Variants in KLKB1 observed in about 807,000 individuals in gnomAD.
KLKB1 encodes plasma kallikrein.
A neutral mutation model predicts 73.6 loss-of-function variants in KLKB1; 58 were observed. The ratio of observed to expected loss-of-function variants is 0.79; its 90% CI spans 0.64 to 0.98. The LOEUF is 0.98. Among genes scored for constraint, KLKB1 ranks in the 50% least tolerant of loss-of-function variants. The pLI, the probability that KLKB1 is intolerant of heterozygous loss-of-function variation, is 0.00. For synonymous variants in KLKB1, 280 were observed against 258.1 expected, an observed-to-expected ratio of 1.08 and a Z score of -0.81; for missense variants, 737 against 763.8, an observed-to-expected ratio of 0.96 and a Z score of 0.41.
Position 186,258,247 on chromosome 4 carries a change from T to C in KLKB1, c.*35T>C. 1.3e-6 allele frequency: 2 copies of C among 1,579,090 alleles called. No homozygotes were observed. Among genetic ancestry groups the C allele is most frequent in the Non-Finnish European group, 1.7e-6 (2 of 1,153,594 alleles). ...CAGAGTCTAGGCAATTTTTACAACC[T>C]GAGTTCAAGTCAAATTCTGAGCCTG... is the stretch of plus-strand genomic sequence containing the variant. On this transcript the variant is annotated 3_prime_UTR_variant, in exon 15 of 15. Coordinates refer to ENST00000264690, the MANE Select transcript of KLKB1 (RefSeq NM_000892.5).
chr4:186,237,509 C>T (rs1471114011), intron 5 of KLKB1, among the ~76,000 whole-genome samples: 2 of 152,176 alleles, frequency 1.3e-5, no homozygotes. Context: ...CCCTACTTCT[C>T]CAAAGCTGAT....
rs1410482200 is a variant in KLKB1, at chr4:186,258,273, G to A, written c.*61G>A. On this transcript the variant is annotated 3_prime_UTR_variant, in exon 15 of 15. Coordinates refer to ENST00000264690, the MANE Select transcript of KLKB1 (RefSeq NM_000892.5). Reference sequence around the variant, plus strand: ...GAGTTCAAGTCAAATTCTGAGCCTGGGGGGTCCTCATCTGCAAAGCATGGA... The same window carrying A: ...GAGTTCAAGTCAAATTCTGAGCCTGAGGGGTCCTCATCTGCAAAGCATGGA... 1 of 1,419,492 alleles carries A rather than the reference G, an allele frequency of 7.0e-7. No individual in the cohort carries two copies. Among genetic ancestry groups the A allele is most frequent in the Non-Finnish European group, 9.8e-7 (1 of 1,019,414 alleles). The allele number at this position is 1,419,492 out of a possible 1,614,324, so 87.9% of individuals were successfully genotyped here.
Position 186,238,328 on chromosome 4 carries a change from T to C in KLKB1, c.561T>C (p.Ser187=). The C allele has an allele frequency of 6.2e-7, 1 of 1,613,932 alleles. No individual in the cohort carries two copies. The highest frequency in any genetic ancestry group is 8.5e-7 in the Non-Finnish European group (1 of 1,179,804). ...TAIKVLSNVE[S]GFSLKPCALS... ...TAAAGGTGCTGAGTAACGTGGAATC[T>C]GGATTCTCACTGAAGCCCTGTGCCC... The change falls in exon 6 of 15, where the codon TCT becomes TCC. Residue 187 remains serine (S), a synonymous_variant. Transcript: ENST00000264690.
At chr4:186,236,388 G>A (rs1737694261) in intron 4 of KLKB1, among the ~76,000 whole-genome samples, 1 of 152,148 alleles carries the variant, frequency 6.6e-6, no homozygotes, top group African/African-American at 2.4e-5. Context: ...CATTCAATGC[G>A]AAAGGTCAAA....
chr4:186,251,193 C>T lies in KLKB1; in HGVS notation c.759-26C>T, dbSNP rs79435687. 2.3e-3 allele frequency: 3,455 copies of T among 1,482,746 alleles called. 76 individuals carry two copies. In the East Asian group the frequency reaches 0.046, roughly 20 times the overall value. 91.8% of individuals were successfully genotyped at this position (1,482,746 alleles called of 1,614,324 possible). A position where few individuals can be genotyped will look rare whatever the true frequency, so the allele number is the denominator to read the frequency against. On this transcript the variant is annotated intron_variant, in intron 7 of 14. Coordinates refer to ENST00000264690, the MANE Select transcript of KLKB1 (RefSeq NM_000892.5). ...CTTTAATGCAAATTTCTTTCTTTCT[C>T]TCTTGCTTTTTTTTAAAAAAAATAG...
At chr4:186,228,420 G>T (rs184042102) in intron 2 of KLKB1, among the ~76,000 whole-genome samples, 167 bp downstream of exon 2, 1 of 152,306 alleles carries the variant, frequency 6.6e-6, no homozygotes, top group Admixed American at 6.5e-5. Context: ...AGGACCACTT[G>T]TCAGGTATAT....
At position 186,228,265 on chromosome 4, in the gene KLKB1, A is replaced by C. The variant is rs199953597; in HGVS notation, c.58+12A>C. 45 of 1,560,518 alleles carry C rather than the reference A, an allele frequency of 2.9e-5. No individual in the cohort carries two copies. The highest frequency in any genetic ancestry group is 1.7e-4 in the Middle Eastern group (1 of 5,982). ...TACAGTTTCCTGTGGTAAGTGAATT[A>C]TCTATAAAACATGGAATTCAGGCTA... On this transcript the variant is annotated intron_variant, in intron 2 of 14. Coordinates refer to ENST00000264690, the MANE Select transcript of KLKB1 (RefSeq NM_000892.5).
At chr4:186,251,923 A>G (rs1738701334) in intron 10 of KLKB1, 62 bp downstream of exon 10, 2 of 1,602,830 alleles carry the variant, frequency 1.2e-6, no homozygotes, top group African/African-American at 1.3e-5. Flanking sequence ...TAGTTTGCTT[A>G]GTCTTAAGGA....
chr4:186,232,728 T>C (rs1737459925), intron 3 of KLKB1, among the ~76,000 whole-genome samples: 1 of 152,124 alleles, frequency 6.6e-6, no homozygotes, highest in South Asian at 2.1e-4. Flanking sequence ...TTGCTGAGAA[T>C]GTAATTGAGA....
In KLKB1 at chr4:186,251,586, C is replaced by G; in HGVS notation, c.968C>G (p.Thr323Arg). Reference protein sequence around the residue: ...KGVNVCQETCTKMIRCQFFTY... With the variant: ...KGVNVCQETCRKMIRCQFFTY... Reference sequence around the variant, plus strand: ...GTGAATGTTTGCCAAGAGACTTGCACAAAGATGATTCGCTGTCAGTTTTTC... The same window carrying G: ...GTGAATGTTTGCCAAGAGACTTGCAGAAAGATGATTCGCTGTCAGTTTTTC... The change falls in exon 9 of 15, where the codon ACA (threonine) becomes AGA (arginine). Residue 323 changes from threonine to arginine, a missense_variant. Physicochemically the swap from Thr to Arg is moderately conservative, Grantham distance 71. Transcript: ENST00000264690. 6.2e-7 allele frequency: 1 copy of G among 1,614,072 alleles called. No homozygotes were observed. The highest frequency in any genetic ancestry group is 1.6e-4 in the Middle Eastern group (1 of 6,062).
At chr4:186,232,929 G>A (rs1737474590) in intron 3 of KLKB1, among the ~76,000 whole-genome samples, 1 of 152,138 alleles carries the variant, frequency 6.6e-6, no homozygotes, top group South Asian at 2.1e-4. Flanking sequence ...TTTTGTGTGT[G>A]TGTGTGATGG....
intron 6 of KLKB1, among the ~76,000 whole-genome samples, chr4:186,248,023 G>A (rs867607280): frequency 1.3e-5 from 2 of 152,090 alleles, no homozygotes; most frequent in African/African-American, 4.8e-5. Flanking sequence ...CGAGGCGGGC[G>A]GATCACGGGG....
At chr4:186,221,348 T>A (rs1431465293) in intron 2 of KLKB1, among the ~76,000 whole-genome samples, 1 of 151,888 alleles carries the variant, frequency 6.6e-6, no homozygotes, top group Non-Finnish European at 1.5e-5. Flanking sequence ...CTTAGTTTTT[T>A]TTTTTTACTT....
At chr4:186,222,911 G>A (rs937237097), upstream of KLKB1, among the ~76,000 whole-genome samples, 5 of 152,090 alleles carry the variant, frequency 3.3e-5, no homozygotes, top group East Asian at 1.9e-4. Flanking sequence ...ATCTCATCTC[G>A]AATTGCAATC....
At position 186,251,549 on chromosome 4, in the gene KLKB1, T is replaced by G. The variant is rs4253377; in HGVS notation, c.931T>G (p.Phe311Val). The change falls in exon 9 of 15, where the codon TTT (phenylalanine) becomes GTT (valine). Residue 311 changes from phenylalanine (F) to valine (V), a missense_variant. Physicochemically the swap from Phe to Val is conservative, Grantham distance 50. Transcript: ENST00000264690. The stretch of plus-strand genomic sequence containing the variant: ...TGGAGGAGAAGAATTGAATGTGACT[T>G]TTGTTAAAGGAGTGAATGTTTGCCA... Reference protein sequence around the residue: ...DFGGEELNVTFVKGVNVCQET... With the variant: ...DFGGEELNVTVVKGVNVCQET... 3,768 of 1,614,026 alleles carry G rather than the reference T, an allele frequency of 2.3e-3. 74 individuals carry two copies. The African/African-American group carries it at 0.043, about 19-fold the overall frequency.
At chr4:186,249,219 G>A (rs983728283) in intron 6 of KLKB1, among the ~76,000 whole-genome samples, 8 of 152,034 alleles carry the variant, frequency 5.3e-5, no homozygotes, top group Admixed American at 2.0e-4. Context: ...TACCTAAAAC[G>A]CCAAAACCTA....
Position 186,258,118 on chromosome 4 carries a change from C to T in KLKB1, c.1823C>T (p.Pro608Leu). 6.2e-7 allele frequency: 1 copy of T among 1,614,130 alleles called. No homozygotes were observed. The highest frequency in any genetic ancestry group is 8.5e-7 in the Non-Finnish European group (1 of 1,179,974). ...WGEGCARREQ[P>L]GVYTKVAEYM... ...GAAGGCTGTGCCCGCAGGGAGCAAC[C>T]TGGTGTCTACACCAAAGTCGCTGAG... is the stretch of plus-strand genomic sequence containing the variant. The change falls in exon 15 of 15, where the codon CCT becomes CTT. Residue 608 changes from proline to leucine, a missense_variant. Pro to Leu is a moderately conservative substitution (Grantham distance 98). Transcript: ENST00000264690.
intron 5 of KLKB1, among the ~76,000 whole-genome samples, chr4:186,237,243 C>T (rs955191184): frequency 3.5e-4 from 53 of 152,116 alleles, no homozygotes; most frequent in Non-Finnish European, 6.6e-4. Flanking sequence ...GGATTACAGG[C>T]GTCCGCCACC....
intron 2 of KLKB1, among the ~76,000 whole-genome samples, chr4:186,231,163 G>A (rs1737384840): frequency 6.6e-6 from 1 of 152,086 alleles, no homozygotes; most frequent in Admixed American, 6.5e-5. Flanking sequence ...TCCCTCAAAG[G>A]CAATAAAAAA....
Sources: allele counts gnomAD v4.1 joint callset (sites outside exome capture counted in the v4.1 genomes callset), GRCh38; gene constraint gnomAD v4.1.1; transcripts MANE v1.5; gene names NCBI Gene and HGNC (gene_info 2026-07-23, HGNC 2026-07-21).